Variants in CNTNAP3B observed in about 807,000 individuals in gnomAD.
The protein encoded by CNTNAP3B is contactin-associated protein-like 3B.
In CNTNAP3B, 25 loss-of-function variants were observed where a neutral mutation model predicts 108.9. That is an observed-to-expected ratio of 0.23 (90% CI 0.17 to 0.32). The LOEUF (loss-of-function observed/expected upper bound fraction) is 0.32, where lower values mean the gene tolerates loss of function less well. Among genes scored for constraint, CNTNAP3B ranks in the 10% least tolerant of loss-of-function variants. The probability of loss-of-function intolerance (pLI) is 1.00; values close to 1 mark genes in which losing one functional copy is unlikely to be tolerated. For missense variants in CNTNAP3B, 252 were observed against 1,210.4 expected, an observed-to-expected ratio of 0.21 and a Z score of 11.75; for synonymous variants, 103 against 473.4, an observed-to-expected ratio of 0.22 and a Z score of 10.16.
chr9:42,125,340 G>A (rs1163480841), intron 1 of CNTNAP3B, among the ~76,000 whole-genome samples: 1 of 140,722 alleles, frequency 7.1e-6, no homozygotes, highest in Non-Finnish European at 1.5e-5. Context: ...CACCAGTGCT[G>A]TCTCCTGTCT....
chr9:42,110,839 C>T (rs1451267980), intron 1 of CNTNAP3B, among the ~76,000 whole-genome samples: 1 of 139,206 alleles, frequency 7.2e-6, no homozygotes, highest in Non-Finnish European at 1.5e-5. Flanking sequence ...TAGAAGGTAC[C>T]AAAAGTTCAT....
intron 18 of CNTNAP3B, among the ~76,000 whole-genome samples, chr9:41,915,933 A>G (rs1412791060): frequency 2.0e-5 from 3 of 151,528 alleles, no homozygotes; most frequent in Non-Finnish European, 4.4e-5. Flanking sequence ...TATCTTATCA[A>G]TAATCTGCTT....
intron 15 of CNTNAP3B, among the ~76,000 whole-genome samples, chr9:41,926,958 G>C (rs1823837482): frequency 6.6e-6 from 1 of 152,310 alleles, no homozygotes; most frequent in Non-Finnish European, 1.5e-5. Flanking sequence ...GTATCAATAG[G>C]CAGGGGAAAA....
chr9:41,976,952 C>T (rs188957161), intron 9 of CNTNAP3B, among the ~76,000 whole-genome samples: 3,940 of 141,880 alleles, frequency 0.028, 82 homozygotes, highest in African/African-American at 0.1. Flanking sequence ...CACCACCCCC[C>T]TAAATTTTAT....
intron 2 of CNTNAP3B, among the ~76,000 whole-genome samples, chr9:42,098,439 C>T (rs532282033): frequency 0.012 from 1,348 of 113,372 alleles, 107 homozygotes; most frequent in South Asian, 0.051. Flanking sequence ...AAAAATTAGC[C>T]GGGCATGGTG....
In CNTNAP3B at chr9:41,917,465, C is replaced by T. The variant is rs563378796; in HGVS notation, c.2995+2605G>A. ...GCTACCAAGCTGTGTATTTTCATGG[C>T]CTCCCTCTACCTCTTGGTTAAATGT... On this transcript the variant is annotated intron_variant, in intron 18 of 23. Transcript: ENST00000377561. 4.2e-4 allele frequency among the ~76,000 whole-genome samples: 60 copies of T among 141,780 alleles called. No individual in the cohort carries two copies. The East Asian group carries it at 0.011, about 26-fold the overall frequency. The allele number at this position is 141,780 out of a possible 152,430, so 93.0% of individuals were successfully genotyped here.
intron 13 of CNTNAP3B, among the ~76,000 whole-genome samples, chr9:41,943,019 C>T (rs1468145293): frequency 4.3e-3 from 658 of 152,098 alleles, no homozygotes; most frequent in Non-Finnish European, 7.4e-3. Context: ...AGCAAACATG[C>T]AGTTATGACA....
chr9:41,917,869 G>A (rs1329442683), intron 18 of CNTNAP3B, among the ~76,000 whole-genome samples: 1 of 150,866 alleles, frequency 6.6e-6, no homozygotes, highest in Non-Finnish European at 1.5e-5. Flanking sequence ...TGGCTTCTTG[G>A]CTATATCCAT....
rs564812427 is a variant in CNTNAP3B, at chr9:42,096,727, C to T, written c.196+7902G>A. Among the ~76,000 whole-genome samples, 20 of 110,158 alleles carry T rather than the reference C, an allele frequency of 1.8e-4. 1 individual carries two copies. Among genetic ancestry groups the T allele is most frequent in the African/African-American group, 5.1e-4 (14 of 27,454 alleles). The allele number at this position is 110,158 out of a possible 152,430, so 72.3% of individuals were successfully genotyped here. A position where few individuals can be genotyped will look rare whatever the true frequency, so the allele number is the denominator to read the frequency against. On this transcript the variant is annotated intron_variant, in intron 2 of 23. Transcript: ENST00000377561. ...CCATTATGAGTTTCTGGCTGACTTA[C>T]GCCAGGACTCACAGAATGATTCATC...
At chr9:41,949,502 G>A (rs1824616043) in intron 13 of CNTNAP3B, among the ~76,000 whole-genome samples, 1 of 107,702 alleles carries the variant, frequency 9.3e-6, no homozygotes, top group Non-Finnish European at 2.0e-5. Context: ...CCACGTTCAA[G>A]ACAGTGTGAT....
At chr9:41,942,673 G>T (rs62536536) in intron 13 of CNTNAP3B, among the ~76,000 whole-genome samples, 27 of 150,752 alleles carry the variant, frequency 1.8e-4, no homozygotes, top group Non-Finnish European at 3.0e-4. Context: ...TCCTCTCCCC[G>T]CACCTTATCA....
At chr9:42,014,442 T>C (rs1193747130) in intron 3 of CNTNAP3B, among the ~76,000 whole-genome samples, 2 of 90,662 alleles carry the variant, frequency 2.2e-5, no homozygotes, top group Non-Finnish European at 4.6e-5. Flanking sequence ...CAGCAGTTAG[T>C]TCAACCAAGA....
In CNTNAP3B at chr9:42,128,048, A is replaced by T. The variant is rs1390139988; in HGVS notation, c.85+962T>A. Among the ~76,000 whole-genome samples, 2 of 139,586 alleles carry T rather than the reference A, an allele frequency of 1.4e-5. 1 individual carries two copies. The highest frequency in any genetic ancestry group is 3.1e-5 in the Non-Finnish European group (2 of 65,068). 91.6% of individuals were successfully genotyped at this position (139,586 alleles called of 152,430 possible). On this transcript the variant is annotated intron_variant, in intron 1 of 23. Coordinates refer to ENST00000377561, the MANE Select transcript of CNTNAP3B (RefSeq NM_001201380.3). ...AGGGAGATGCCACTGAAAGAAAAAT[A>T]AAAGTGATTTGAGAAGGAGGAGGAA...
chr9:42,121,900 A>G (rs1828471434), intron 1 of CNTNAP3B, among the ~76,000 whole-genome samples: 1 of 140,012 alleles, frequency 7.1e-6, no homozygotes, highest in Non-Finnish European at 1.5e-5. Context: ...GCGGCAGAAG[A>G]CTCCTGGGTC....
chr9:41,925,519 G>T (rs915205180), intron 15 of CNTNAP3B, among the ~76,000 whole-genome samples: 1 of 152,284 alleles, frequency 6.6e-6, no homozygotes, highest in African/African-American at 2.4e-5. Flanking sequence ...CGTGAACCCG[G>T]GAGGCGGAGC....
intron 13 of CNTNAP3B, among the ~76,000 whole-genome samples, chr9:41,941,505 A>G (rs1400592987): frequency 6.6e-6 from 1 of 151,060 alleles, no homozygotes; most frequent in East Asian, 1.9e-4. Flanking sequence ...TGCAAGAAAC[A>G]ATACACCCTT....
chr9:42,097,356 C>T (rs912841954), intron 2 of CNTNAP3B, among the ~76,000 whole-genome samples: 1 of 139,556 alleles, frequency 7.2e-6, no homozygotes, highest in African/African-American at 2.8e-5. Context: ...GTAAAACTGC[C>T]CCACGCAGAG....
In CNTNAP3B at chr9:42,085,461, GT is replaced by G. The variant is rs1322598940; in HGVS notation, c.197-8400del. On this transcript the variant is annotated intron_variant, in intron 2 of 23. Coordinates refer to ENST00000377561, the MANE Select transcript of CNTNAP3B (RefSeq NM_001201380.3). ...AATTCCTCAGGTTCCTAGATGGTCT[GT>G]CTTCCCTACATTTTTTCATTCTTAT... 3.6e-5 allele frequency among the ~76,000 whole-genome samples: 5 copies of G among 140,466 alleles called. No homozygotes were observed. In the East Asian group the frequency reaches 1.1e-3, roughly 30 times the overall value. 92.2% of individuals were successfully genotyped at this position (140,466 alleles called of 152,430 possible).
At chr9:41,990,600 G>A (rs1454110488) in intron 8 of CNTNAP3B, among the ~76,000 whole-genome samples, 2 of 131,428 alleles carry the variant, frequency 1.5e-5, no homozygotes, top group African/African-American at 3.0e-5. Flanking sequence ...TTTTGAGTAT[G>A]ATATCCCCCT....
Sources: allele counts gnomAD v4.1 joint callset (sites outside exome capture counted in the v4.1 genomes callset), GRCh38; gene constraint gnomAD v4.1.1; transcripts MANE v1.5; gene names NCBI Gene and HGNC (gene_info 2026-07-23, HGNC 2026-07-21).